The following AGBL4 variants were observed in gnomAD, a reference collection of about 807,000 sequenced individuals.
AGBL4 encodes cytosolic carboxypeptidase 6.
In AGBL4, 58 loss-of-function variants were observed where a neutral mutation model predicts 66.4. That is an observed-to-expected ratio of 0.87 (90% CI 0.71 to 1.09). The LOEUF (loss-of-function observed/expected upper bound fraction) is 1.09, where lower values mean the gene tolerates loss of function less well. Among genes scored for constraint, AGBL4 ranks in the 50% least tolerant of loss-of-function variants. The probability of loss-of-function intolerance (pLI) is 0.00; values close to 1 mark genes in which losing one functional copy is unlikely to be tolerated. For missense variants in AGBL4, 579 were observed against 631.0 expected (o/e 0.92, Z 0.88); for synonymous variants, 234 against 222.9 (o/e 1.05, Z -0.44).
At chr1:49,269,970 T>A (rs1644019125) in intron 3 of AGBL4, among the ~76,000 whole-genome samples, 1 of 152,104 alleles carries the variant, frequency 6.6e-6, no homozygotes, top group Non-Finnish European at 1.5e-5. Flanking sequence ...ACCTAGGACC[T>A]CATAAACTGA....
At chr1:49,666,382 A>G (rs1184878244) in intron 3 of AGBL4, among the ~76,000 whole-genome samples, 11 of 152,030 alleles carry the variant, frequency 7.2e-5, no homozygotes, top group Admixed American at 6.6e-4. Context: ...CCTGGCCAAC[A>G]TGGTGAAACC....
At chr1:48,828,391 A>G (rs931518834) in intron 6 of AGBL4, among the ~76,000 whole-genome samples, 9 of 152,068 alleles carry the variant, frequency 5.9e-5, no homozygotes, top group African/African-American at 1.9e-4. Flanking sequence ...TTTGCTAGGT[A>G]ACCATGGCTC....
chr1:49,857,332 A>C (rs541879113), intron 1 of AGBL4, among the ~76,000 whole-genome samples: 1 of 152,290 alleles, frequency 6.6e-6, no homozygotes, highest in Admixed American at 6.5e-5. Flanking sequence ...AATCCCTTTC[A>C]AAATACAATG....
chr1:49,474,285 G>A (rs1646805515), intron 3 of AGBL4, among the ~76,000 whole-genome samples: 1 of 151,970 alleles, frequency 6.6e-6, no homozygotes, highest in African/African-American at 2.4e-5. Context: ...CCATTTATTT[G>A]TGTCATCTCC....
chr1:49,693,239 G>A (rs1175923463), intron 3 of AGBL4, among the ~76,000 whole-genome samples: 1 of 152,124 alleles, frequency 6.6e-6, no homozygotes, highest in East Asian at 1.9e-4. Context: ...TCTTTAAAAT[G>A]TTCATATCCC....
At chr1:48,987,466 T>C (rs1660268686) in intron 5 of AGBL4, among the ~76,000 whole-genome samples, 1 of 151,958 alleles carries the variant, frequency 6.6e-6, no homozygotes, top group South Asian at 2.1e-4. Flanking sequence ...TTAAGAAGAT[T>C]TAACAATTCT....
intron 1 of AGBL4, among the ~76,000 whole-genome samples, 157 bp downstream of exon 1, chr1:50,023,606 A>T (rs976637604): frequency 1.3e-5 from 2 of 152,036 alleles, no homozygotes. Flanking sequence ...AGAGGGGTGC[A>T]CGCCACCCTT....
At chr1:49,285,292 G>C (rs1284694823) in intron 3 of AGBL4, among the ~76,000 whole-genome samples, 3 of 151,994 alleles carry the variant, frequency 2.0e-5, no homozygotes, top group Non-Finnish European at 4.4e-5. Context: ...ACGAAATGAA[G>C]GCAGAAATAA....
chr1:49,716,020 G>A (rs979065030), intron 2 of AGBL4, among the ~76,000 whole-genome samples: 12 of 151,792 alleles, frequency 7.9e-5, no homozygotes, highest in African/African-American at 4.8e-5. Flanking sequence ...TCATGAAGTC[G>A]TTGCCCATGC....
intron 3 of AGBL4, among the ~76,000 whole-genome samples, chr1:49,260,739 A>G (rs1443235964): frequency 6.6e-6 from 1 of 152,080 alleles, no homozygotes; most frequent in Admixed American, 6.6e-5. Context: ...ACAAGGAGGA[A>G]CTGGTACCAT....
chr1:49,982,003 C>A (rs1272864831), intron 1 of AGBL4, among the ~76,000 whole-genome samples: 1 of 152,190 alleles, frequency 6.6e-6, no homozygotes, highest in Non-Finnish European at 1.5e-5. Flanking sequence ...GTCAAAGATA[C>A]TAATTAAATG....
At chr1:49,594,923 C>G (rs924508756) in intron 3 of AGBL4, among the ~76,000 whole-genome samples, 1 of 152,172 alleles carries the variant, frequency 6.6e-6, no homozygotes, top group African/African-American at 2.4e-5. Context: ...ATTTCTGGTT[C>G]TAGATCCTTG....
At chr1:49,215,538 T>G (rs1048466005) in intron 4 of AGBL4, among the ~76,000 whole-genome samples, 1 of 152,080 alleles carries the variant, frequency 6.6e-6, no homozygotes, top group Non-Finnish European at 1.5e-5. Context: ...TCACTTCTGT[T>G]TTTTCTCAAG....
At chr1:48,926,571 G>C (rs1030953508) in intron 5 of AGBL4, among the ~76,000 whole-genome samples, 20 of 152,096 alleles carry the variant, frequency 1.3e-4, no homozygotes, top group African/African-American at 4.6e-4. Context: ...TTACAGGTAT[G>C]AGGCGTCACA....
chr1:49,409,326 T>C lies in AGBL4; in HGVS notation c.283-163462A>G, dbSNP rs569442637. Among the ~76,000 whole-genome samples, 264 of 152,214 alleles carry C rather than the reference T, an allele frequency of 1.7e-3. 1 individual carries two copies. The highest frequency in any genetic ancestry group is 5.9e-3 in the African/African-American group (246 of 41,540). On this transcript the variant is annotated intron_variant, in intron 3 of 13. Transcript: ENST00000371839. ...TACACAATTCACATCTAATGAGGAT[T>C]TGGGGGAAGAAATTAATCAGAAAGT... is the stretch of plus-strand genomic sequence containing the variant.
At position 49,833,371 on chromosome 1, in the gene AGBL4, G is replaced by C. The variant is rs577027004; in HGVS notation, c.157+18025C>G. ...GATCTATATCTCTGTTTTGGTACCA[G>C]TACCATGCTGTTTTGGTTACTGTAG... On this transcript the variant is annotated intron_variant, in intron 2 of 13. Coordinates refer to ENST00000371839, the MANE Select transcript of AGBL4 (RefSeq NM_032785.4). 1.6e-3 allele frequency among the ~76,000 whole-genome samples: 250 copies of C among 152,116 alleles called. 1 individual carries two copies. The highest frequency in any genetic ancestry group is 2.6e-3 in the Non-Finnish European group (176 of 67,964).
At chr1:49,034,569 T>C (rs1664486655) in intron 5 of AGBL4, among the ~76,000 whole-genome samples, 1 of 152,132 alleles carries the variant, frequency 6.6e-6, no homozygotes, top group African/African-American at 2.4e-5. Flanking sequence ...TCACCTGGAA[T>C]TGTAGTTCCC....
chr1:48,922,717 T>C (rs1306267706), intron 5 of AGBL4, among the ~76,000 whole-genome samples: 1 of 152,212 alleles, frequency 6.6e-6, no homozygotes, highest in Non-Finnish European at 1.5e-5. Context: ...ACTTCACATA[T>C]ACTGTAATGT....
At chr1:49,312,595 G>C (rs1236790246) in intron 3 of AGBL4, among the ~76,000 whole-genome samples, 4 of 151,894 alleles carry the variant, frequency 2.6e-5, no homozygotes, top group African/African-American at 9.7e-5. Context: ...AAAGGGACTG[G>C]TAACCAAAAT....
Sources: allele counts gnomAD v4.1 joint callset (sites outside exome capture counted in the v4.1 genomes callset), GRCh38; gene constraint gnomAD v4.1.1; transcripts MANE v1.5; gene names NCBI Gene and HGNC (gene_info 2026-07-23, HGNC 2026-07-21).